The following CFAP44 variants were observed in gnomAD, a reference collection of about 807,000 sequenced individuals.
CFAP44 encodes the protein cilia- and flagella-associated protein 44.
CFAP44 carries 134 observed loss-of-function variants against 216.2 expected under a neutral mutation model. The observed-to-expected ratio is 0.62, with a 90% CI of 0.54 to 0.72. The LOEUF (loss-of-function observed/expected upper bound fraction) is 0.72. Among genes scored for constraint, CFAP44 ranks in the 30% least tolerant of loss-of-function variants. The pLI is 0.00. For synonymous variants in CFAP44, 700 were observed against 727.6 expected (o/e 0.96, Z 0.61); for missense variants, 2,035 against 2,182.1 (o/e 0.93, Z 1.34).
intron 6 of CFAP44, among the ~76,000 whole-genome samples, chr3:113,410,108 G>A (rs892138630): frequency 6.6e-6 from 1 of 152,104 alleles, no homozygotes; most frequent in South Asian, 2.1e-4. Context: ...TGCCTATGGA[G>A]TAGCCATTCT....
intron 4 of CFAP44, among the ~76,000 whole-genome samples, chr3:113,424,222 G>C (rs1354425961): frequency 1.3e-5 from 2 of 152,200 alleles, no homozygotes; most frequent in Non-Finnish European, 2.9e-5. Context: ...CAGATCACGA[G>C]GTCAGGAGTT....
At chr3:113,312,856 TC>T (rs1024429880) in intron 28 of CFAP44, among the ~76,000 whole-genome samples, 6 of 152,086 alleles carry the variant, frequency 3.9e-5, no homozygotes, top group African/African-American at 1.2e-4. Context: ...TTTGGGAACC[TC>T]CGCCTAGATT....
intron 13 of CFAP44, among the ~76,000 whole-genome samples, chr3:113,398,676 T>C (rs577010727): frequency 6.6e-6 from 1 of 152,350 alleles, no homozygotes; most frequent in Admixed American, 6.5e-5. Context: ...CTGGACTAAG[T>C]TCTCTTTCTG....
At chr3:113,427,805 A>G (rs1222610144) in intron 2 of CFAP44, among the ~76,000 whole-genome samples, 1 of 152,120 alleles carries the variant, frequency 6.6e-6, no homozygotes, top group Non-Finnish European at 1.5e-5. Flanking sequence ...GTATAGGAGT[A>G]AAATGGCCCC....
chr3:113,335,190 A>G (rs938815590), intron 24 of CFAP44, among the ~76,000 whole-genome samples: 7 of 152,222 alleles, frequency 4.6e-5, no homozygotes, highest in African/African-American at 1.7e-4. Flanking sequence ...TGAACAAAAA[A>G]TATGTGAAAC....
At chr3:113,334,693 C>A (rs943453087) in intron 24 of CFAP44, among the ~76,000 whole-genome samples, 5 of 151,984 alleles carry the variant, frequency 3.3e-5, no homozygotes, top group African/African-American at 1.2e-4. Context: ...CCAGTTGGGC[C>A]CTCCCAAACT....
At chr3:113,373,332 T>C (rs574486588) in intron 18 of CFAP44, 79 bp downstream of exon 18, 962 of 1,300,480 alleles carry the variant, frequency 7.4e-4, no homozygotes, top group Non-Finnish European at 9.1e-4. Context: ...TCTTTAAAAA[T>C]TGACAATATC....
At chr3:113,407,986 T>A (rs1424165707) in intron 7 of CFAP44, among the ~76,000 whole-genome samples, 8 of 152,144 alleles carry the variant, frequency 5.3e-5, no homozygotes, top group Non-Finnish European at 1.2e-4. Context: ...TACTAAATAA[T>A]CAGAAAATAT....
intron 22 of CFAP44, among the ~76,000 whole-genome samples, chr3:113,349,624 G>A (rs1000699744): frequency 6.6e-6 from 1 of 152,198 alleles, no homozygotes; most frequent in Non-Finnish European, 1.5e-5. Context: ...GCAATTACTG[G>A]AAGGTGCACT....
At chr3:113,304,318 T>A (rs551609782) in intron 31 of CFAP44, 75 of 587,298 alleles carry the variant, frequency 1.3e-4, no homozygotes, top group South Asian at 1.2e-3. Context: ...CACGTCTCTG[T>A]GGGGATAGCA....
chr3:113,421,528 C>T (rs1934814516), intron 4 of CFAP44, among the ~76,000 whole-genome samples: 1 of 152,184 alleles, frequency 6.6e-6, no homozygotes, highest in Admixed American at 6.5e-5. Flanking sequence ...CAAAAAGACA[C>T]ATGCACTCAT....
At position 113,330,167 on chromosome 3, in the gene CFAP44, C is replaced by T. The variant is rs777627371; in HGVS notation, c.4116+1G>A. 4.8e-5 allele frequency: 73 copies of T among 1,527,426 alleles called. No individual in the cohort carries two copies. Among genetic ancestry groups the T allele is most frequent in the Non-Finnish European group, 6.0e-5 (69 of 1,140,888 alleles). 94.6% of individuals were successfully genotyped at this position (1,527,426 alleles called of 1,614,324 possible). On this transcript the variant is annotated splice_donor_variant, in intron 26 of 34. Transcript: ENST00000393845. LOFTEE classifies it high-confidence loss of function. ...TAACTAGGAACAGGTTCACCCCTTACCCTGTTGACCAAATACTGTTGCATG... is the reference window on the plus strand; with the variant it reads ...TAACTAGGAACAGGTTCACCCCTTATCCTGTTGACCAAATACTGTTGCATG...
chr3:113,441,262 G>A (rs892281324), intron 1 of CFAP44, among the ~76,000 whole-genome samples, 191 bp downstream of exon 1: 4 of 152,218 alleles, frequency 2.6e-5, no homozygotes, highest in Admixed American at 6.5e-5. Flanking sequence ...GGCAGGAACC[G>A]TGCACACAGT....
chr3:113,328,642 G>A (rs1388425231), intron 26 of CFAP44, among the ~76,000 whole-genome samples: 1 of 128,644 alleles, frequency 7.8e-6, no homozygotes, highest in Non-Finnish European at 1.6e-5. Flanking sequence ...GCTGAGGAGA[G>A]AAAGAGATCT....
At chr3:113,303,479 G>GT (rs1434109107) in intron 32 of CFAP44, among the ~76,000 whole-genome samples, 1 of 152,122 alleles carries the variant, frequency 6.6e-6, no homozygotes, top group Non-Finnish European at 1.5e-5. Flanking sequence ...ATTTTGCACA[G>GT]TTAAAAATAT....
intron 22 of CFAP44, among the ~76,000 whole-genome samples, chr3:113,350,445 C>T (rs1364455184): frequency 6.6e-6 from 1 of 151,610 alleles, no homozygotes; most frequent in Non-Finnish European, 1.5e-5. Context: ...ACAAAGAAGC[C>T]GAAGAGAAAG....
rs1241983500 is a variant in CFAP44 at position 113,305,157 on chromosome 3, AG to A, written c.4759-6del. 2.6e-6 allele frequency: 4 copies of A among 1,536,570 alleles called. No individual in the cohort carries two copies. The African/African-American group carries it at 5.5e-5, about 21-fold the overall frequency. Reference sequence around the variant, plus strand: ...ATTAGTTGCCACAATTTTCACCTGTAGAAAGCCCCGTGTTGTGAAATGGTGA... The same window carrying A: ...ATTAGTTGCCACAATTTTCACCTGTAAAAGCCCCGTGTTGTGAAATGGTGA... On this transcript the variant is annotated splice_polypyrimidine_tract_variant and splice_region_variant and intron_variant, in intron 30 of 34. Coordinates refer to ENST00000393845, the MANE Select transcript of CFAP44 (RefSeq NM_001164496.2).
In CFAP44 at chr3:113,336,741, C is replaced by A. The variant is rs548972651; in HGVS notation, c.3438-3158G>T. Among the ~76,000 whole-genome samples the A allele has an allele frequency of 5.3e-5, 8 of 151,850 alleles. No individual in the cohort carries two copies. In the South Asian group the frequency reaches 1.7e-3, roughly 32 times the overall value. Reference sequence around the variant, plus strand: ...ATTAAACATAAATGGTCTAAATATACCATTGAATGACAGAAATGGGCAGCA... The same window carrying A: ...ATTAAACATAAATGGTCTAAATATAACATTGAATGACAGAAATGGGCAGCA... On this transcript the variant is annotated intron_variant, in intron 24 of 34. Transcript: ENST00000393845.
intron 18 of CFAP44, among the ~76,000 whole-genome samples, chr3:113,372,026 G>A (rs1933182859): frequency 6.6e-6 from 1 of 152,178 alleles, no homozygotes; most frequent in South Asian, 2.1e-4. Context: ...AAACCACAGT[G>A]AGATACCATC....
Sources: gnomAD v4.1 joint callset for allele counts (sites outside exome capture counted in the v4.1 genomes callset) on GRCh38, gnomAD v4.1.1 for gene constraint, MANE v1.5 for transcripts, NCBI Gene and HGNC (gene_info 2026-07-23, HGNC 2026-07-21) for gene names.